Variants in CADM3 observed in about 807,000 individuals in gnomAD.
CADM3 encodes cell adhesion molecule 3, also known as TSLC1-like 1.
Under a neutral mutation model 44.9 loss-of-function variants are expected in CADM3, and 11 were observed. The observed-to-expected ratio is 0.25, with a 90% CI of 0.15 to 0.41. The LOEUF is 0.41. Ranked by LOEUF, CADM3 falls within the 10% of genes least tolerant of loss-of-function variation. The probability of loss-of-function intolerance (pLI) is 1.00; values close to 1 mark genes in which losing one functional copy is unlikely to be tolerated. For missense variants in CADM3, 426 were observed against 512.0 expected, an observed-to-expected ratio of 0.83 and a Z score of 1.62; for synonymous variants, 207 against 205.2, an observed-to-expected ratio of 1.01 and a Z score of -0.08.
intron 1 of CADM3, among the ~76,000 whole-genome samples, chr1:159,177,018 G>A (rs1455501552): frequency 6.6e-6 from 1 of 152,066 alleles, no homozygotes; most frequent in African/African-American, 2.4e-5. Flanking sequence ...AGTCTGATAC[G>A]TCTCATACCC....
At chr1:159,188,430 T>C (rs763814627) in intron 1 of CADM3, among the ~76,000 whole-genome samples, 79 of 151,738 alleles carry the variant, frequency 5.2e-4, no homozygotes, top group Admixed American at 8.5e-4. Context: ...CCACTTTTCT[T>C]TGTAATCTCG....
intron 2 of CADM3, among the ~76,000 whole-genome samples, chr1:159,192,289 C>T (rs1056571683): frequency 1.3e-5 from 2 of 152,146 alleles, no homozygotes; most frequent in Admixed American, 1.3e-4. Flanking sequence ...GGAGTGACTT[C>T]ACCCCACAGG....
intron 8 of CADM3, 72 bp downstream of exon 8, chr1:159,199,948 A>G: frequency 5.1e-6 from 8 of 1,557,952 alleles, no homozygotes; most frequent in Non-Finnish European, 7.0e-6. Context: ...AGGCACGAGG[A>G]GAAGCAGACA....
In CADM3 at chr1:159,171,762, C is replaced by G. The variant is rs762904091; in HGVS notation, c.-4C>G. 3 of 1,236,112 alleles carry G rather than the reference C, an allele frequency of 2.4e-6. No individual in the cohort carries two copies. In the South Asian group the frequency reaches 1.2e-4, roughly 51 times the overall value. The allele number at this position is 1,236,112 out of a possible 1,614,324, so 76.6% of individuals were successfully genotyped here. On this transcript the variant is annotated 5_prime_UTR_variant, in exon 1 of 9. Transcript: ENST00000368125. Reference sequence around the variant, plus strand: ...CCCAGCCAGGGAGCCGGCCGGGAAGCGCGATGGGGGCCCCAGCCGCCTCGC... The same window carrying G: ...CCCAGCCAGGGAGCCGGCCGGGAAGGGCGATGGGGGCCCCAGCCGCCTCGC...
intron 6 of CADM3, 73 bp downstream of exon 6, chr1:159,196,527 C>A: frequency 8.5e-7 from 1 of 1,175,412 alleles, no homozygotes; most frequent in Non-Finnish European, 1.3e-6. Context: ...ATAACAGCTC[C>A]TTCCTATCTC....
chr1:159,186,590 T>C (rs1192866185), intron 1 of CADM3, among the ~76,000 whole-genome samples: 1 of 152,182 alleles, frequency 6.6e-6, no homozygotes, highest in East Asian at 1.9e-4. Flanking sequence ...TACAAGTCTT[T>C]CACAACCCAG....
intron 1 of CADM3, among the ~76,000 whole-genome samples, chr1:159,185,578 G>C (rs1196669837): frequency 6.6e-6 from 1 of 152,200 alleles, no homozygotes; most frequent in East Asian, 1.9e-4. Context: ...ATAATATCTA[G>C]CTATTAAAAG....
rs1370885522 is a variant in CADM3 at position 159,201,048 on chromosome 1, C to G, written c.*126C>G. The G allele has an allele frequency of 2.0e-6, 1 of 504,818 alleles. No homozygotes were observed. Among genetic ancestry groups the G allele is most frequent in the Non-Finnish European group, 3.4e-6 (1 of 291,960 alleles). The allele number at this position is 504,818 out of a possible 1,614,324, so 31.3% of individuals were successfully genotyped here. On this transcript the variant is annotated 3_prime_UTR_variant, in exon 9 of 9. Transcript: ENST00000368125. ...CCGCTTGCTCCCCAGCCCACCCACCCCCCTGTACAGAATGTCTGCTTTGGG... is the reference window on the plus strand; with the variant it reads ...CCGCTTGCTCCCCAGCCCACCCACCGCCCTGTACAGAATGTCTGCTTTGGG...
chr1:159,200,826 A>C lies in CADM3; in HGVS notation c.1101A>C (p.Ala367=). ...CAGGAACCTACCTGACACATGAGGC[A>C]AAAGGCTCCGACGATGCTCCAGACG... ...RHKGTYLTHE[A]KGSDDAPDAD... is the part of the protein sequence containing the mutation. The change falls in exon 9 of 9, where the codon GCA becomes GCC. Residue 367 remains alanine (A), a synonymous_variant. Transcript: ENST00000368125. 6.2e-7 allele frequency: 1 copy of C among 1,607,464 alleles called. No homozygotes were observed. The highest frequency in any genetic ancestry group is 2.3e-5 in the East Asian group (1 of 44,256).
At chr1:159,183,298 C>T (rs994940838) in intron 1 of CADM3, among the ~76,000 whole-genome samples, 1 of 152,200 alleles carries the variant, frequency 6.6e-6, no homozygotes, top group African/African-American at 2.4e-5. Flanking sequence ...GTTCTCCATT[C>T]CTACTGACCA....
chr1:159,189,191 A>G (rs763986659), intron 1 of CADM3, among the ~76,000 whole-genome samples: 5 of 152,218 alleles, frequency 3.3e-5, no homozygotes, highest in Non-Finnish European at 7.3e-5. Context: ...TCTAGTCTTC[A>G]TCTCCTATTT....
chr1:159,191,947 T>C lies in CADM3; in HGVS notation c.100T>C (p.Trp34Arg), dbSNP rs772051000. ...TTCTACTCCTGCAGACAGCCAGCCC[T>C]GGACATCTGATGAAACAGTGGTGGC... ...ANLSQDDSQPWTSDETVVAGG... is the reference protein window; with the variant it reads ...ANLSQDDSQPRTSDETVVAGG... Residue 34 changes from tryptophan to arginine, a missense_variant, in exon 2 of 9, where the codon TGG (tryptophan) becomes CGG (arginine). By Grantham distance (101) the Trp-to-Arg change is moderately radical. Transcript: ENST00000368125. 26 of 1,613,980 alleles carry C rather than the reference T, an allele frequency of 1.6e-5. No homozygotes were observed. The highest frequency in any genetic ancestry group is 1.1e-4 in the South Asian group (10 of 91,078).
chr1:159,189,471 G>A (rs898155573), intron 1 of CADM3, among the ~76,000 whole-genome samples: 7 of 152,160 alleles, frequency 4.6e-5, no homozygotes, highest in African/African-American at 9.7e-5. Flanking sequence ...CCTCATCTGC[G>A]AAGTGGGAGA....
chr1:159,199,839 G>A lies in CADM3; in HGVS notation c.1041G>A (p.Met347Ile), dbSNP rs368938260. The A allele has an allele frequency of 3.1e-6, 5 of 1,613,964 alleles. No individual in the cohort carries two copies. In the Admixed American group the frequency reaches 8.3e-5, roughly 27 times the overall value. Residue 347 changes from methionine to isoleucine, a missense_variant, in exon 8 of 9, where the codon ATG becomes ATA. Physicochemically the swap from Met to Ile is conservative, Grantham distance 10. Coordinates refer to ENST00000368125, the MANE Select transcript of CADM3 (RefSeq NM_001127173.3). ...VAFIVFLLLIMLIFLGHYLIR... is the reference protein window; with the variant it reads ...VAFIVFLLLIILIFLGHYLIR... ...TCATTGTCTTCCTGCTGCTCATCAT[G>A]CTCATCTTCCTTGGCCACTACTTGA...
At chr1:159,184,249 C>A (rs779838472) in intron 1 of CADM3, among the ~76,000 whole-genome samples, 1 of 152,148 alleles carries the variant, frequency 6.6e-6, no homozygotes, top group Non-Finnish European at 1.5e-5. Flanking sequence ...GGACAAGGAG[C>A]CCAGCAATGG....
Position 159,196,940 on chromosome 1 carries a change from A to G in CADM3, c.832A>G (p.Met278Val), listed in dbSNP as rs772556153. 6.2e-7 allele frequency: 1 copy of G among 1,614,002 alleles called. No individual in the cohort carries two copies. The highest frequency in any genetic ancestry group is 1.7e-5 in the Admixed American group (1 of 60,012). ...EKEGSVPPLK[M>V]TQESALIFPF... ...GGAGGGCAGTGTGCCACCCCTGAAG[A>G]TGACCCAGGAGAGTGCCCTGATCTT... Residue 278 changes from methionine to valine, a missense_variant, in exon 7 of 9, where the codon ATG becomes GTG. By Grantham distance (21) the Met-to-Val change is conservative (BLOSUM62 1). Around this residue, in one of 2 missense-constraint regions of CADM3, gnomAD observed 362 missense variants for 474.6 expected, o/e 0.76. Transcript: ENST00000368125.
At chr1:159,194,471 A>G (rs1394637700) in intron 5 of CADM3, 1 of 158,032 alleles carries the variant, frequency 6.3e-6, no homozygotes, top group African/African-American at 2.4e-5. Context: ...CCCAGGAAGT[A>G]GTTTCTAGTC....
intron 1 of CADM3, among the ~76,000 whole-genome samples, chr1:159,183,342 G>A (rs1649302321): frequency 6.6e-6 from 1 of 152,164 alleles, no homozygotes; most frequent in East Asian, 1.9e-4. Context: ...TGCCTCCTAG[G>A]AGAGTAAAGC....
rs766668835 is a variant in CADM3 at position 159,199,833 on chromosome 1, C to T, written c.1035C>T (p.Leu345=). The T allele has an allele frequency of 3.7e-6, 6 of 1,613,988 alleles. No individual in the cohort carries two copies. In the African/African-American group the frequency reaches 4.0e-5, roughly 11 times the overall value. ...TGGCTTTCATTGTCTTCCTGCTGCT[C>T]ATCATGCTCATCTTCCTTGGCCACT... ...GIVAFIVFLL[L]IMLIFLGHYL... The change falls in exon 8 of 9, where the codon CTC becomes CTT. Residue 345 remains leucine (L), a synonymous_variant. Transcript: ENST00000368125.
Sources: allele counts gnomAD v4.1 joint callset (sites outside exome capture counted in the v4.1 genomes callset), GRCh38; gene constraint gnomAD v4.1.1; regional missense constraint gnomAD v4.1.1; transcripts MANE v1.5; gene names NCBI Gene and HGNC (gene_info 2026-07-23, HGNC 2026-07-21).